MYO10: variants seen among roughly 807,000 people sequenced by gnomAD.
MYO10 encodes myosin X, also known as unconventional myosin-X.
MYO10 carries 133 observed loss-of-function variants against 257.3 expected under a neutral mutation model. That is an observed-to-expected ratio of 0.52 (90% CI 0.45 to 0.60). The LOEUF (loss-of-function observed/expected upper bound fraction) is 0.60. Ranked by LOEUF, MYO10 falls within the 20% of genes least tolerant of loss-of-function variation. The pLI, the probability that MYO10 is intolerant of heterozygous loss-of-function variation, is 0.00. For missense variants in MYO10, 2,399 were observed against 2,635.7 expected (o/e 0.91, Z 1.97); for synonymous variants, 1,104 against 1,028.6 (o/e 1.07, Z -1.40).
intron 19 of MYO10, among the ~76,000 whole-genome samples, chr5:16,731,629 G>A (rs1394638730): frequency 2.0e-5 from 3 of 151,992 alleles, no homozygotes; most frequent in Non-Finnish European, 2.9e-5. Context: ...GATTACAGGC[G>A]TGAGCCACCA....
intron 19 of MYO10, among the ~76,000 whole-genome samples, chr5:16,747,918 CAAAAAAAAAAA>C (rs777257950): frequency 5.6e-4 from 17 of 30,476 alleles, no homozygotes; most frequent in East Asian, 9.1e-3. Flanking sequence ...AACTCCGTCT[CAAAAAAAAAAA>C]AAAAAAAAAA....
intron 1 of MYO10, among the ~76,000 whole-genome samples, chr5:16,926,275 T>A (rs1746129686): frequency 6.6e-6 from 1 of 152,232 alleles, no homozygotes; most frequent in South Asian, 2.1e-4. Context: ...TAGTACTTCT[T>A]AAAATCAATA....
rs941011851 is a variant in MYO10, at chr5:16,904,878, G to A, written c.22-27171C>T. Reference sequence around the variant, plus strand: ...CAGGAGGCGGAGCTTGCAGTGAGCCGAGATCACACCACTGCACTCCAGGCT... The same window carrying A: ...CAGGAGGCGGAGCTTGCAGTGAGCCAAGATCACACCACTGCACTCCAGGCT... On this transcript the variant is annotated intron_variant, in intron 1 of 40. Coordinates refer to ENST00000513610, the MANE Select transcript of MYO10 (RefSeq NM_012334.3). 2.6e-5 allele frequency among the ~76,000 whole-genome samples: 4 copies of A among 151,220 alleles called. No individual in the cohort carries two copies. In the East Asian group the frequency reaches 7.8e-4, roughly 30 times the overall value.
In MYO10 at chr5:16,794,671, G is replaced by A. The variant is rs7737765; in HGVS notation, c.442C>T (p.His148Tyr). 206,224 of 1,611,836 alleles carry A rather than the reference G, an allele frequency of 0.13. 15,342 individuals carry two copies. The highest frequency in any genetic ancestry group is 0.26 in the South Asian group (23,442 of 90,730). ...NECYRCLWKR[H>Y]DNQCILISGE... ...CTGATGAGGATGCACTGGTTGTCGT[G>A]GCGCTTCCACAGGCAGCGGTAGCAC... The change falls in exon 4 of 41, where the codon CAC becomes TAC. Residue 148 changes from histidine (H) to tyrosine (Y), a missense_variant. By Grantham distance (83) the His-to-Tyr change is moderately conservative. This residue lies in a region of MYO10 where 242 missense variants were observed against 249.5 expected (regional missense o/e 0.97). Transcript: ENST00000513610.
rs1039222832 is a variant in MYO10, at chr5:16,815,602, T to A, written c.279+2407A>T. 1.8e-5 allele frequency: 11 copies of A among 611,660 alleles called. No homozygotes were observed. In the African/African-American group the frequency reaches 1.8e-4, roughly 10 times the overall value. The allele number at this position is 611,660 out of a possible 1,614,324, so 37.9% of individuals were successfully genotyped here. A position where few individuals can be genotyped will look rare whatever the true frequency, so the allele number is the denominator to read the frequency against. Reference sequence around the variant, plus strand: ...CCAGGTGCCTGGCAGTGTCCTTGGTTCCAGGAAGACAAAATAAGTCCTTGA... The same window carrying A: ...CCAGGTGCCTGGCAGTGTCCTTGGTACCAGGAAGACAAAATAAGTCCTTGA... On this transcript the variant is annotated intron_variant, in intron 3 of 40. Transcript: ENST00000513610.
intron 12 of MYO10, 111 bp downstream of exon 12, chr5:16,764,139 T>C: frequency 8.4e-7 from 1 of 1,195,016 alleles, no homozygotes; most frequent in Admixed American, 2.5e-5. Context: ...AGAGTGAGAC[T>C]CCTTCTCAAA....
At chr5:16,851,597 G>A (rs1743802690) in intron 2 of MYO10, among the ~76,000 whole-genome samples, 1 of 152,156 alleles carries the variant, frequency 6.6e-6, no homozygotes, top group Admixed American at 6.5e-5. Flanking sequence ...GTCATAATGT[G>A]AGCTCACTGT....
At chr5:16,926,353 C>G (rs1410694941) in intron 1 of MYO10, among the ~76,000 whole-genome samples, 1 of 152,072 alleles carries the variant, frequency 6.6e-6, no homozygotes, top group Non-Finnish European at 1.5e-5. Context: ...CTGACAATGT[C>G]AGTAACTACT....
intron 9 of MYO10, among the ~76,000 whole-genome samples, chr5:16,777,497 A>C (rs1486165634): frequency 6.6e-6 from 1 of 152,196 alleles, no homozygotes; most frequent in Non-Finnish European, 1.5e-5. Flanking sequence ...TGAAAAGGAA[A>C]ACAGAATGAA....
chr5:16,708,714 A>G (rs1157058276), intron 21 of MYO10, among the ~76,000 whole-genome samples: 1 of 152,130 alleles, frequency 6.6e-6, no homozygotes, highest in African/African-American at 2.4e-5. Flanking sequence ...GGCACATGCC[A>G]CCACGCCTGG....
intron 17 of MYO10, among the ~76,000 whole-genome samples, 178 bp from the exon 18 acceptor site, chr5:16,758,404 A>G (rs1018783933): frequency 6.6e-6 from 1 of 152,230 alleles, no homozygotes; most frequent in Admixed American, 6.5e-5. Flanking sequence ...AGCTTTAGGC[A>G]CTGAAAACAC....
At chr5:16,909,736 G>A (rs960212960) in intron 1 of MYO10, among the ~76,000 whole-genome samples, 1 of 152,088 alleles carries the variant, frequency 6.6e-6, no homozygotes, top group Non-Finnish European at 1.5e-5. Context: ...GTTGACATCT[G>A]ATCCCCAGTG....
In MYO10 at chr5:16,882,094, A is replaced by C. The variant is rs994318535; in HGVS notation, c.22-4387T>G. 6.6e-5 allele frequency among the ~76,000 whole-genome samples: 10 copies of C among 152,364 alleles called. No individual in the cohort carries two copies. The East Asian group carries it at 1.9e-3, about 29-fold the overall frequency. ...ATAATGGCTAAAAATTTTTCTGTAC[A>C]TAATCACCAGAAATGTTTCTGCAAT... On this transcript the variant is annotated intron_variant, in intron 1 of 40. Transcript: ENST00000513610.
intron 2 of MYO10, among the ~76,000 whole-genome samples, chr5:16,867,838 G>C (rs1345205152): frequency 6.6e-6 from 1 of 152,204 alleles, no homozygotes; most frequent in Non-Finnish European, 1.5e-5. Context: ...TTTCAACCAA[G>C]CTTAGTTATC....
chr5:16,764,474 G>A, intron 11 of MYO10, 78 bp from the exon 12 acceptor site: 1 of 1,531,978 alleles, frequency 6.5e-7, no homozygotes, highest in Non-Finnish European at 8.9e-7. Flanking sequence ...CCCCACTTGA[G>A]AGACACACAC....
intron 2 of MYO10, among the ~76,000 whole-genome samples, chr5:16,836,797 A>G (rs975930549): frequency 1.1e-4 from 16 of 152,216 alleles, no homozygotes; most frequent in Admixed American, 8.5e-4. Context: ...TCATTCTTTG[A>G]AAGGCTAAAT....
At chr5:16,828,712 C>T (rs934501050) in intron 2 of MYO10, among the ~76,000 whole-genome samples, 1 of 151,424 alleles carries the variant, frequency 6.6e-6, no homozygotes, top group Non-Finnish European at 1.5e-5. Context: ...TTTTGCATCA[C>T]TTTCCTGGTA....
At chr5:16,911,568 C>CA (rs1745657595) in intron 1 of MYO10, among the ~76,000 whole-genome samples, 1 of 152,036 alleles carries the variant, frequency 6.6e-6, no homozygotes. Context: ...CTCGTCTCTA[C>CA]AAAAAATACA....
intron 4 of MYO10, among the ~76,000 whole-genome samples, chr5:16,793,610 A>G (rs898965158): frequency 4.0e-5 from 6 of 151,460 alleles, no homozygotes; most frequent in Non-Finnish European, 7.4e-5. Flanking sequence ...AGTGTGAGCC[A>G]TTGTGCCCAG....
Sources: allele counts gnomAD v4.1 joint callset (sites outside exome capture counted in the v4.1 genomes callset), GRCh38; gene constraint gnomAD v4.1.1; regional missense constraint gnomAD v4.1.1; transcripts MANE v1.5; gene names NCBI Gene and HGNC (gene_info 2026-07-23, HGNC 2026-07-21).